The following KCTD16 variants were observed in gnomAD, a reference collection of about 807,000 sequenced individuals.
KCTD16 encodes the protein potassium channel tetramerization domain containing 16, also known as BTB/POZ domain-containing protein KCTD16.
Under a neutral mutation model 33.2 loss-of-function variants are expected in KCTD16, and 13 were observed. The ratio of observed to expected loss-of-function variants is 0.39; its 90% confidence interval spans 0.25 to 0.62. The LOEUF is 0.62. Ranked by LOEUF, KCTD16 falls within the 20% of genes least tolerant of loss-of-function variation. The probability of loss-of-function intolerance (pLI) is 0.50; values close to 1 mark genes in which losing one functional copy is unlikely to be tolerated. For missense variants in KCTD16, 441 were observed against 525.1 expected (o/e 0.84, Z 1.57); for synonymous variants, 197 against 195.3 (o/e 1.01, Z -0.07).
At chr5:144,442,778 T>A (rs968583767) in intron 3 of KCTD16, among the ~76,000 whole-genome samples, 5 of 152,032 alleles carry the variant, frequency 3.3e-5, no homozygotes, top group Non-Finnish European at 7.4e-5. Context: ...GAGCTGTGGA[T>A]CTCTTTGACT....
At chr5:144,417,401 G>T (rs1023539945) in intron 3 of KCTD16, among the ~76,000 whole-genome samples, 18 of 151,832 alleles carry the variant, frequency 1.2e-4, no homozygotes, top group Non-Finnish European at 2.2e-4. Context: ...TGTGTTTGTT[G>T]CCCATTTGCA....
In KCTD16 at chr5:144,479,432, T is replaced by A. The variant is rs1047600935; in HGVS notation, c.*5318T>A. On this transcript the variant is annotated 3_prime_UTR_variant, in exon 4 of 4. Coordinates refer to ENST00000512467, the MANE Select transcript of KCTD16 (RefSeq NM_020768.4). The stretch of plus-strand genomic sequence containing the variant: ...AGTGAATTCAAAAGGGTTTCAATGA[T>A]CCAATTGACCCTATTCATTTAACAG... 3 of 148,992 alleles carry A rather than the reference T, an allele frequency of 2.0e-5. No individual in the cohort carries two copies. Among genetic ancestry groups the A allele is most frequent in the African/African-American group, 7.4e-5 (3 of 40,466 alleles). 9.2% of individuals were successfully genotyped at this position (148,992 alleles called of 1,614,324 possible).
At chr5:144,353,379 C>T (rs1222921818) in intron 3 of KCTD16, among the ~76,000 whole-genome samples, 1 of 152,110 alleles carries the variant, frequency 6.6e-6, no homozygotes, top group East Asian at 1.9e-4. Flanking sequence ...AGAAGCAGTA[C>T]AGTGGTTAAA....
Position 144,481,533 on chromosome 5 carries a change from C to T in KCTD16, c.*7419C>T, listed in dbSNP as rs558863460. Reference sequence around the variant, plus strand: ...GACTTTATTAGAACACAATTTGTGTCTGAAATGATTTGACATTTTTCTTTT... The same window carrying T: ...GACTTTATTAGAACACAATTTGTGTTTGAAATGATTTGACATTTTTCTTTT... On this transcript the variant is annotated 3_prime_UTR_variant, in exon 4 of 4. Coordinates refer to ENST00000512467, the MANE Select transcript of KCTD16 (RefSeq NM_020768.4). 9.2e-5 allele frequency: 14 copies of T among 151,964 alleles called. No homozygotes were observed. In the South Asian group the frequency reaches 2.3e-3, roughly 25 times the overall value. The allele number at this position is 151,964 out of a possible 1,614,324, so 9.4% of individuals were successfully genotyped here. A position where few individuals can be genotyped will look rare whatever the true frequency, so the allele number is the denominator to read the frequency against.
intron 2 of KCTD16, among the ~76,000 whole-genome samples, chr5:144,203,002 C>T (rs190317593): frequency 6.6e-6 from 1 of 152,248 alleles, no homozygotes; most frequent in African/African-American, 2.4e-5. Context: ...CTCAGCCTTT[C>T]CTGAGAGGTT....
At chr5:144,204,424 G>T (rs1480666679) in intron 2 of KCTD16, among the ~76,000 whole-genome samples, 1 of 152,166 alleles carries the variant, frequency 6.6e-6, no homozygotes, top group Non-Finnish European at 1.5e-5. Flanking sequence ...GGCTCAACTG[G>T]AAGCACTTTG....
At chr5:144,391,048 T>A (rs972554405) in intron 3 of KCTD16, among the ~76,000 whole-genome samples, 5 of 152,074 alleles carry the variant, frequency 3.3e-5, no homozygotes, top group African/African-American at 9.7e-5. Flanking sequence ...TCCCCCTCCA[T>A]CCTTTCCCAT....
chr5:144,441,260 A>T (rs1185817290), intron 3 of KCTD16, among the ~76,000 whole-genome samples: 3 of 152,114 alleles, frequency 2.0e-5, no homozygotes, highest in Admixed American at 6.5e-5. Flanking sequence ...AAAGTTGCTA[A>T]TTTTGATGCA....
chr5:144,451,689 A>AT (rs1439959487), intron 3 of KCTD16, among the ~76,000 whole-genome samples: 1 of 152,184 alleles, frequency 6.6e-6, no homozygotes, highest in Non-Finnish European at 1.5e-5. Flanking sequence ...AGATTTCATA[A>AT]TTAAGTCTTT....
chr5:144,480,233 G>A lies in KCTD16; in HGVS notation c.*6119G>A, dbSNP rs1224084920. ...GATAATGTGCGTGGGAGTGCTATCCGAGTGCATGGAAAAAGCCTTTGGTTA... is the reference window on the plus strand; with the variant it reads ...GATAATGTGCGTGGGAGTGCTATCCAAGTGCATGGAAAAAGCCTTTGGTTA... On this transcript the variant is annotated 3_prime_UTR_variant, in exon 4 of 4. Coordinates refer to ENST00000512467, the MANE Select transcript of KCTD16 (RefSeq NM_020768.4). 2 of 151,806 alleles carry A rather than the reference G, an allele frequency of 1.3e-5. No homozygotes were observed. Among genetic ancestry groups the A allele is most frequent in the African/African-American group, 2.4e-5 (1 of 41,368 alleles). 9.4% of individuals were successfully genotyped at this position (151,806 alleles called of 1,614,324 possible).
intron 2 of KCTD16, among the ~76,000 whole-genome samples, chr5:144,203,979 A>G (rs1377549236): frequency 1.3e-5 from 2 of 152,228 alleles, no homozygotes; most frequent in Non-Finnish European, 2.9e-5. Flanking sequence ...TTGGTCCAGC[A>G]TTAAAATCCT....
chr5:144,401,120 GA>G (rs1390115181), intron 3 of KCTD16, among the ~76,000 whole-genome samples: 1 of 152,192 alleles, frequency 6.6e-6, no homozygotes, highest in Non-Finnish European at 1.5e-5. Context: ...AAACTGCCTT[GA>G]ACAGAGTGGT....
At chr5:144,300,358 C>T (rs763334276) in intron 3 of KCTD16, among the ~76,000 whole-genome samples, 5 of 152,080 alleles carry the variant, frequency 3.3e-5, no homozygotes, top group African/African-American at 9.7e-5. Flanking sequence ...TCTCTTCTCC[C>T]GAATTCTTGC....
At chr5:144,253,928 G>A (rs1445216454) in intron 3 of KCTD16, among the ~76,000 whole-genome samples, 3 of 151,802 alleles carry the variant, frequency 2.0e-5, no homozygotes, top group African/African-American at 4.8e-5. Flanking sequence ...TTTTTCCAGG[G>A]GTAAAAAATA....
intron 3 of KCTD16, among the ~76,000 whole-genome samples, chr5:144,456,038 A>G (rs1183468166): frequency 6.6e-6 from 1 of 152,152 alleles, no homozygotes; most frequent in Non-Finnish European, 1.5e-5. Context: ...CCACACTTGC[A>G]TGATCTTCTA....
intron 2 of KCTD16, among the ~76,000 whole-genome samples, chr5:144,194,533 A>G (rs1219663123): frequency 6.6e-6 from 1 of 152,216 alleles, no homozygotes; most frequent in African/African-American, 2.4e-5. Flanking sequence ...AGTTTGGGGA[A>G]GGAGAGAATT....
At chr5:144,453,699 G>C (rs929764796) in intron 3 of KCTD16, among the ~76,000 whole-genome samples, 1 of 152,142 alleles carries the variant, frequency 6.6e-6, no homozygotes, top group Non-Finnish European at 1.5e-5. Flanking sequence ...TGTTGTTAGA[G>C]TTATTATTTT....
At chr5:144,250,542 G>A (rs564556449) in intron 3 of KCTD16, among the ~76,000 whole-genome samples, 4 of 152,178 alleles carry the variant, frequency 2.6e-5, no homozygotes, top group Admixed American at 6.5e-5. Context: ...GCAGAATCTA[G>A]CCTTTGTTCC....
intron 3 of KCTD16, among the ~76,000 whole-genome samples, chr5:144,211,205 G>T (rs1274379894): frequency 6.6e-6 from 1 of 151,836 alleles, no homozygotes; most frequent in Non-Finnish European, 1.5e-5. Flanking sequence ...ACCTCGTATT[G>T]GGGAGAAATA....
Sources: gnomAD v4.1 joint callset for allele counts (sites outside exome capture counted in the v4.1 genomes callset) on GRCh38, gnomAD v4.1.1 for gene constraint, MANE v1.5 for transcripts, NCBI Gene and HGNC (gene_info 2026-07-23, HGNC 2026-07-21) for gene names.